The following SNX25 variants were observed in gnomAD, a reference collection of about 807,000 sequenced individuals.
SNX25 encodes sorting nexin 25.
SNX25 carries 62 observed loss-of-function variants against 113.7 expected under a neutral mutation model. The observed-to-expected ratio is 0.55, with a 90% CI of 0.44 to 0.67. SNX25 has a LOEUF of 0.67. SNX25 is among the 30% of genes least tolerant of loss of function. The pLI is 0.00. For missense variants in SNX25, 1,014 were observed against 1,161.0 expected (o/e 0.87, Z 1.84); for synonymous variants, 421 against 436.2 (o/e 0.97, Z 0.43).
rs187932455 is a variant in SNX25, at chr4:185,227,025, G to A, written c.429+16770G>A. 3.1e-4 allele frequency among the ~76,000 whole-genome samples: 47 copies of A among 152,324 alleles called. 1 individual carries two copies. Among genetic ancestry groups the A allele is most frequent in the African/African-American group, 9.9e-4 (41 of 41,584 alleles). On this transcript the variant is annotated intron_variant, in intron 1 of 18. Transcript: ENST00000652585. ...CCATTTCTCTGTGTTTTTTAGCCCC[G>A]TGAGTCGGAAGAGCTTGCGGGCTGT...
chr4:185,301,769 T>C (rs1012718643), intron 6 of SNX25, among the ~76,000 whole-genome samples: 2 of 152,100 alleles, frequency 1.3e-5, no homozygotes, highest in Non-Finnish European at 2.9e-5. Flanking sequence ...GTATTTTTCA[T>C]AGAGACAGGG....
At chr4:185,304,022 T>G (rs974208749) in intron 6 of SNX25, among the ~76,000 whole-genome samples, 13 of 152,348 alleles carry the variant, frequency 8.5e-5, no homozygotes, top group South Asian at 8.3e-4. Context: ...CTACTGAGAA[T>G]TGCTGCCAGC....
chr4:185,209,504 C>G (rs1269517280), upstream of SNX25: 1 of 157,240 alleles, frequency 6.4e-6, no homozygotes, highest in Non-Finnish European at 1.4e-5. This position sits in a 1 kb window ranked among gnomAD's most constrained non-coding sequence, Gnocchi z 5.2. Context: ...GGGCGCCTCC[C>G]GGCTGTCACT....
intron 14 of SNX25, 85 bp downstream of exon 14, chr4:185,351,694 C>A: frequency 3.5e-6 from 5 of 1,416,228 alleles, no homozygotes; most frequent in Non-Finnish European, 4.8e-6. Context: ...AAGCAAATCC[C>A]TCTATTTTCA....
At chr4:185,320,666 G>T in intron 7 of SNX25, 67 bp from the exon 8 acceptor site, 1 of 1,234,586 alleles carries the variant, frequency 8.1e-7, no homozygotes, top group Non-Finnish European at 1.1e-6. Flanking sequence ...TCAGTCCATT[G>T]GAAGTTAAAG....
At chr4:185,302,330 G>C (rs1452887249) in intron 6 of SNX25, among the ~76,000 whole-genome samples, 1 of 152,126 alleles carries the variant, frequency 6.6e-6, no homozygotes, top group African/African-American at 2.4e-5. Flanking sequence ...CTGACTTGAA[G>C]CTGGTTGGTC....
At chr4:185,291,512 C>T (rs533452541) in intron 6 of SNX25, among the ~76,000 whole-genome samples, 90 of 152,216 alleles carry the variant, frequency 5.9e-4, no homozygotes, top group Non-Finnish European at 1.2e-3. Context: ...CAAAGTACCA[C>T]AAACTGTCTG....
chr4:185,311,777 C>T (rs1449143199), intron 7 of SNX25, among the ~76,000 whole-genome samples: 2 of 152,130 alleles, frequency 1.3e-5, no homozygotes, highest in Non-Finnish European at 2.9e-5. Flanking sequence ...CAGTGATCAG[C>T]CTTGACTTTC....
rs1039836303 is a variant in SNX25 at position 185,239,462 on chromosome 4, A to G, written c.430-7832A>G. ...CGCACCGCTGCACTCCAGCCTGGCAACAGAGTGAGACTCCGTCTCAAAAAG... is the reference window on the plus strand; with the variant it reads ...CGCACCGCTGCACTCCAGCCTGGCAGCAGAGTGAGACTCCGTCTCAAAAAG... On this transcript the variant is annotated intron_variant, in intron 1 of 18. Transcript: ENST00000652585. Among the ~76,000 whole-genome samples the G allele has an allele frequency of 2.1e-4, 32 of 150,880 alleles. No homozygotes were observed. The East Asian group carries it at 4.7e-3, about 22-fold the overall frequency.
At chr4:185,373,053 A>G (rs2095421262), downstream of SNX25, 8 of 1,610,076 alleles carry the variant, frequency 5.0e-6, no homozygotes, top group Non-Finnish European at 5.9e-6. Flanking sequence ...TCCCATTGCC[A>G]CATGCTTCGG....
intron 2 of SNX25, among the ~76,000 whole-genome samples, chr4:185,250,364 G>A (rs190024927): frequency 6.6e-6 from 1 of 152,272 alleles, no homozygotes; most frequent in African/African-American, 2.4e-5. Context: ...GCTTTCCACT[G>A]GTCTCCTGTA....
At position 185,346,553 on chromosome 4, in the gene SNX25, A is replaced by G. The variant is rs1270510052; in HGVS notation, c.2204A>G (p.Lys735Arg). ...CCCCCACAGTGCGTCCCTTCTTTAAAAAAAGTCCAGTTGCCTTCTCTTAGC... is the reference window on the plus strand; with the variant it reads ...CCCCCACAGTGCGTCCCTTCTTTAAGAAAAGTCCAGTTGCCTTCTCTTAGC... ...RKLSECVPSL[K>R]KVQLPSLSKL... The change falls in exon 13 of 19, where the codon AAA (lysine) becomes AGA (arginine). Residue 735 changes from lysine to arginine, a missense_variant. Physicochemically the swap from Lys to Arg is conservative, Grantham distance 26. Transcript: ENST00000652585. 1.9e-6 allele frequency: 3 copies of G among 1,595,062 alleles called. No homozygotes were observed. The South Asian group carries it at 3.5e-5, about 19-fold the overall frequency.
chr4:185,321,390 G>A (rs1485507141), intron 8 of SNX25, among the ~76,000 whole-genome samples: 1 of 151,580 alleles, frequency 6.6e-6, no homozygotes, highest in Admixed American at 6.6e-5. Flanking sequence ...ACACTCCCGA[G>A]TAGCTGGGAT....
At chr4:185,329,936 T>C (rs926337219) in intron 9 of SNX25, among the ~76,000 whole-genome samples, 4 of 152,100 alleles carry the variant, frequency 2.6e-5, no homozygotes, top group Admixed American at 6.6e-5. Flanking sequence ...TCTAGTGGGA[T>C]GGGCTGCTGC....
At chr4:185,357,467 C>A (rs1299735155) in intron 15 of SNX25, among the ~76,000 whole-genome samples, 1 of 152,196 alleles carries the variant, frequency 6.6e-6, no homozygotes. Context: ...CTGCTTTCAT[C>A]TCATCAGTTG....
chr4:185,351,669 G>A, intron 14 of SNX25, 60 bp downstream of exon 14: 1 of 1,554,936 alleles, frequency 6.4e-7, no homozygotes, highest in Non-Finnish European at 8.7e-7. Context: ...CTAAGCTCAT[G>A]CTCCTCATGG....
rs1182571288 is a variant in SNX25, at chr4:185,222,217, AGGTATTCAGAG to A, written c.429+11963_429+11973del. On this transcript the variant is annotated intron_variant, in intron 1 of 18. Transcript: ENST00000652585. The stretch of plus-strand genomic sequence containing the variant: ...GCTCCATATAACCCTCCTTCATGGC[AGGTATTCAGAG>A]CCATATACCCCTCCTTCGCGGTAGG... Among the ~76,000 whole-genome samples, 77 of 151,290 alleles carry A rather than the reference AGGTATTCAGAG, an allele frequency of 5.1e-4. 4 individuals carry two copies. The South Asian group carries it at 0.01, about 20-fold the overall frequency.
downstream of SNX25, chr4:185,372,867 T>C: frequency 2.5e-6 from 4 of 1,604,324 alleles, no homozygotes; most frequent in Non-Finnish European, 3.4e-6. Context: ...TTTTGGAAAA[T>C]GCAACACACT....
chr4:185,330,605 G>T (rs565723714), intron 9 of SNX25, among the ~76,000 whole-genome samples: 30 of 152,226 alleles, frequency 2.0e-4, no homozygotes, highest in African/African-American at 6.5e-4. Context: ...TTTAAGGTTT[G>T]TACGAAGAGA....
Sources: allele counts gnomAD v4.1 joint callset (sites outside exome capture counted in the v4.1 genomes callset), GRCh38; gene constraint gnomAD v4.1.1; non-coding constraint Gnocchi (gnomAD v3.1); transcripts MANE v1.5; gene names NCBI Gene and HGNC (gene_info 2026-07-23, HGNC 2026-07-21).